Variants in ZSWIM8 observed in about 807,000 individuals in gnomAD.
The protein encoded by ZSWIM8 is zinc finger SWIM domain-containing protein 8.
In ZSWIM8, 27 loss-of-function variants were observed where a neutral mutation model predicts 173.7. The observed-to-expected ratio is 0.16, with a 90% confidence interval of 0.11 to 0.21. ZSWIM8 has a LOEUF of 0.21. ZSWIM8 is among the 10% of genes least tolerant of loss of function. ZSWIM8 has a pLI of 1.00. For synonymous variants in ZSWIM8, 958 were observed against 962.0 expected, an observed-to-expected ratio of 1.00 and a Z score of 0.08; for missense variants, 1,627 against 2,428.8, an observed-to-expected ratio of 0.67 and a Z score of 6.94.
At chr10:73,790,523 A>G (rs988429317) in intron 7 of ZSWIM8, among the ~76,000 whole-genome samples, 7 of 152,202 alleles carry the variant, frequency 4.6e-5, no homozygotes, top group Non-Finnish European at 8.8e-5. Flanking sequence ...CTTTTGATAG[A>G]TCAGGAAATG....
rs1423723317 is a variant in ZSWIM8, at chr10:73,791,786, G to A, written c.1320-73G>A. Reference sequence around the variant, plus strand: ...GTATCCTTTCCCCATGCCTCTCTTTGGGGTGTACACCTACTCCATGCCCAT... The same window carrying A: ...GTATCCTTTCCCCATGCCTCTCTTTAGGGTGTACACCTACTCCATGCCCAT... On this transcript the variant is annotated intron_variant, in intron 9 of 25. Transcript: ENST00000604729. This position sits in a 1 kb window ranked among gnomAD's most constrained non-coding sequence, Gnocchi z 6.0. 4.9e-6 allele frequency: 7 copies of A among 1,442,274 alleles called. No individual in the cohort carries two copies. The highest frequency in any genetic ancestry group is 5.5e-6 in the Non-Finnish European group (6 of 1,090,464). 89.3% of individuals were successfully genotyped at this position (1,442,274 alleles called of 1,614,324 possible).
At chr10:73,786,333 T>G (rs1388436143) in intron 1 of ZSWIM8, 5 of 413,840 alleles carry the variant, frequency 1.2e-5, no homozygotes, top group Non-Finnish European at 1.7e-5. Flanking sequence ...TGTGGGTGTG[T>G]GTGTGTGTGT....
At chr10:73,795,512 A>G (rs1007562266) in intron 14 of ZSWIM8, 27 bp from the exon 15 acceptor site, 6 of 1,612,816 alleles carry the variant, frequency 3.7e-6, no homozygotes, top group Admixed American at 1.7e-5. Flanking sequence ...ACTACTCTCA[A>G]TCCCCATAAG....
rs886823053 is a variant in ZSWIM8, at chr10:73,799,450, G to A, written c.4625G>A (p.Arg1542Gln). 5.0e-6 allele frequency: 8 copies of A among 1,601,930 alleles called. No homozygotes were observed. The highest frequency in any genetic ancestry group is 1.7e-5 in the Admixed American group (1 of 58,512). The change falls in exon 21 of 26, where the codon CGG becomes CAG. Residue 1542 changes from arginine to glutamine, a missense_variant. Around this residue, in one of 18 missense-constraint regions of ZSWIM8, gnomAD observed 275 missense variants for 290.1 expected, o/e 0.95. Transcript: ENST00000604729. ...HPAHPMPHMP[R>Q]PAVFPVPSSA... ...GCCCACCCCATGCCTCACATGCCCC[G>A]GCCTGCCGTCTTCCCTGTGCCCAGC...
At chr10:73,796,388 C>A in intron 15 of ZSWIM8, 1 of 415,552 alleles carries the variant, frequency 2.4e-6, no homozygotes, top group Non-Finnish European at 4.6e-6. Flanking sequence ...GAAAAGTGCT[C>A]TTCTGCCCAT....
rs975426219 is a variant in ZSWIM8, at chr10:73,791,278, T to C, written c.1144-46T>C. 6.3e-7 allele frequency: 1 copy of C among 1,581,252 alleles called. No homozygotes were observed. Among genetic ancestry groups the C allele is most frequent in the Non-Finnish European group, 8.6e-7 (1 of 1,157,548 alleles). ...TGGACTCTGGGAGGGCTACTCTGCC[T>C]TTCTCTGAGCTCTCAGGTGCAGCTC... On this transcript the variant is annotated intron_variant, in intron 8 of 25. Transcript: ENST00000604729. This position sits in a 1 kb window ranked among gnomAD's most constrained non-coding sequence, Gnocchi z 6.0.
chr10:73,800,241 G>T lies in ZSWIM8; in HGVS notation c.4826-55G>T, dbSNP rs769881152. ...TGGGCAGGGGAGGTGGGGAGGGAAT[G>T]TTCTTTGTCTCTCTTTGGGCTCTGA... On this transcript the variant is annotated intron_variant, in intron 22 of 25. Coordinates refer to ENST00000604729, the MANE Select transcript of ZSWIM8 (RefSeq NM_001367799.1). This position sits in a 1 kb window ranked among gnomAD's most constrained non-coding sequence, Gnocchi z 4.1. 6.8e-6 allele frequency: 11 copies of T among 1,611,296 alleles called. No individual in the cohort carries two copies. Among genetic ancestry groups the T allele is most frequent in the Admixed American group, 5.0e-5 (3 of 59,960 alleles).
chr10:73,794,499 A>C, intron 13 of ZSWIM8, 42 bp from the exon 14 acceptor site: 1 of 1,569,082 alleles, frequency 6.4e-7, no homozygotes, highest in Non-Finnish European at 8.7e-7. Flanking sequence ...TTTCCCATGC[A>C]TGATACTTCT....
chr10:73,792,317 G>C lies in ZSWIM8; in HGVS notation c.1778G>C (p.Ser593Thr). Residue 593 changes from serine (S) to threonine (T), a missense_variant, in exon 10 of 26, where the codon AGT becomes ACT. Around this residue, in one of 18 missense-constraint regions of ZSWIM8, gnomAD observed 383 missense variants for 394.8 expected, o/e 0.97. Transcript: ENST00000604729. The surrounding 1 kb of genome is among the most constrained non-coding windows in gnomAD (Gnocchi z 4.3). ...GCCAAGGCACTGGGTGGGGCTGGCA[G>C]TGGGAGCAAGGGCTCAGCAGGTGGC... ...GKAKALGGAG[S>T]GSKGSAGGGS... The C allele has an allele frequency of 6.2e-7, 1 of 1,612,784 alleles. No homozygotes were observed. Among genetic ancestry groups the C allele is most frequent in the Non-Finnish European group, 8.5e-7 (1 of 1,179,426 alleles).
At position 73,792,588 on chromosome 10, in the gene ZSWIM8, A is replaced by G. The variant is rs2083457165; in HGVS notation, c.2049A>G (p.Thr683=). The G allele has an allele frequency of 6.2e-7, 1 of 1,613,888 alleles. No individual in the cohort carries two copies. ...TCTCGGAAGGGCCTGAGCCTCCCAC[A>G]GCCTCTGTTGGCCCCCCTGGCCTAC... ...VYFSEGPEPP[T]ASVGPPGLLP... The change falls in exon 10 of 26, where the codon ACA becomes ACG. Residue 683 remains threonine, a synonymous_variant. Transcript: ENST00000604729. This position sits in a 1 kb window ranked among gnomAD's most constrained non-coding sequence, Gnocchi z 4.3.
chr10:73,790,148 T>A, intron 6 of ZSWIM8, 24 bp from the exon 7 acceptor site: 1 of 1,611,226 alleles, frequency 6.2e-7, no homozygotes, highest in Non-Finnish European at 8.5e-7. Context: ...TATCTCTAGA[T>A]GACTGACTGC....
intron 7 of ZSWIM8, among the ~76,000 whole-genome samples, chr10:73,790,672 A>G (rs900310276): frequency 1.3e-5 from 2 of 152,090 alleles, no homozygotes; most frequent in Non-Finnish European, 2.9e-5. Flanking sequence ...AACATGGCGA[A>G]TCTCCATCTC....
chr10:73,786,065 A>G lies in ZSWIM8; in HGVS notation c.187A>G (p.Ser63Gly). The G allele has an allele frequency of 1.3e-6, 2 of 1,586,458 alleles. No individual in the cohort carries two copies. Among genetic ancestry groups the G allele is most frequent in the Non-Finnish European group, 1.7e-6 (2 of 1,165,312 alleles). ...SPTGGGGGGG[S>G]GGTRMRDGLV... ...CACTGGCGGCGGTGGCGGAGGTGGCAGTGGCGGTACCAGAATGCGAGGTGA... is the reference window on the plus strand; with the variant it reads ...CACTGGCGGCGGTGGCGGAGGTGGCGGTGGCGGTACCAGAATGCGAGGTGA... The change falls in exon 1 of 26, where the codon AGT (serine) becomes GGT (glycine). Residue 63 changes from serine to glycine, a missense_variant. Transcript: ENST00000604729.
At position 73,801,772 on chromosome 10, in the gene ZSWIM8, T is replaced by G; in HGVS notation, c.*253T>G. On this transcript the variant is annotated 3_prime_UTR_variant, in exon 26 of 26. Transcript: ENST00000604729. The surrounding 1 kb of genome is among the most constrained non-coding windows in gnomAD (Gnocchi z 4.9). ...GGTATTTATTTGGCATTTATAAATA[T>G]ATAAACTCCTTTTTTACTCTAGTCG... The G allele has an allele frequency of 6.8e-7, 1 of 1,470,274 alleles. No individual in the cohort carries two copies. Among genetic ancestry groups the G allele is most frequent in the Admixed American group, 2.3e-5 (1 of 44,312 alleles). The allele number at this position is 1,470,274 out of a possible 1,614,324, so 91.1% of individuals were successfully genotyped here. A position where few individuals can be genotyped will look rare whatever the true frequency, so the allele number is the denominator to read the frequency against.
In ZSWIM8 at chr10:73,800,443, T is replaced by C; in HGVS notation, c.4973T>C (p.Leu1658Pro). The change falls in exon 23 of 26, where the codon CTG becomes CCG. Residue 1658 changes from leucine (L) to proline (P), a missense_variant. By Grantham distance (98) the Leu-to-Pro change is moderately conservative. Transcript: ENST00000604729. This position sits in a 1 kb window ranked among gnomAD's most constrained non-coding sequence, Gnocchi z 4.1. Reference protein sequence around the residue: ...THSQPVNPHSLHHLHAAYRVG... With the variant: ...THSQPVNPHSPHHLHAAYRVG... ...AGTCAGCCAGTCAATCCCCACAGCC[T>C]GCACCACCTGCATGCTGCCTACCGT... is the stretch of plus-strand genomic sequence containing the variant. The C allele has an allele frequency of 6.2e-7, 1 of 1,613,840 alleles. No individual in the cohort carries two copies. Among genetic ancestry groups the C allele is most frequent in the Non-Finnish European group, 8.5e-7 (1 of 1,179,840 alleles).
At chr10:73,786,373 CAGGG>C (rs1232731104) in intron 1 of ZSWIM8, 3 of 374,170 alleles carry the variant, frequency 8.0e-6, no homozygotes. Context: ...CGCGCTGTGA[CAGGG>C]AGATCCTGTG....
chr10:73,797,506 G>C lies in ZSWIM8; in HGVS notation c.3563G>C (p.Ser1188Thr), dbSNP rs762646876. Reference protein sequence around the residue: ...WGRGQDSDSISSSSSDSLGSS... With the variant: ...WGRGQDSDSITSSSSDSLGSS... ...CGAGGTCAGGACAGTGACAGCATTAGCAGCTCTTCTTCGGACTCCCTGGGC... is the reference window on the plus strand; with the variant it reads ...CGAGGTCAGGACAGTGACAGCATTACCAGCTCTTCTTCGGACTCCCTGGGC... Residue 1188 changes from serine (S) to threonine (T), a missense_variant, in exon 18 of 26, where the codon AGC (serine) becomes ACC (threonine). Ser to Thr is a moderately conservative substitution (Grantham distance 58, BLOSUM62 1). This residue lies in a region of ZSWIM8 where 72 missense variants were observed against 98.4 expected (regional missense o/e 0.73). Transcript: ENST00000604729. The surrounding 1 kb of genome is among the most constrained non-coding windows in gnomAD (Gnocchi z 5.6). 7 of 1,613,878 alleles carry C rather than the reference G, an allele frequency of 4.3e-6. No homozygotes were observed.
Position 73,801,566 on chromosome 10 carries a change from TG to T in ZSWIM8, c.*52del. On this transcript the variant is annotated 3_prime_UTR_variant, in exon 26 of 26. Transcript: ENST00000604729. The surrounding 1 kb of genome is among the most constrained non-coding windows in gnomAD (Gnocchi z 4.9). ...ATACAGGGACCCAGGCCTGTGGCTA[TG>T]GGGGCCCCTCACACAGGGGGAGTGA... The T allele has an allele frequency of 6.3e-7, 1 of 1,599,698 alleles. No individual in the cohort carries two copies.
intron 6 of ZSWIM8, 56 bp downstream of exon 6, chr10:73,790,093 C>G: frequency 6.2e-7 from 1 of 1,609,606 alleles, no homozygotes; most frequent in Non-Finnish European, 8.5e-7. Context: ...TAGTACAGAG[C>G]GCCATTTACT....
Sources: gnomAD v4.1 joint callset for allele counts (sites outside exome capture counted in the v4.1 genomes callset) on GRCh38, gnomAD v4.1.1 for gene constraint, gnomAD v4.1.1 regional missense constraint, Gnocchi (gnomAD v3.1) non-coding constraint, MANE v1.5 for transcripts, NCBI Gene and HGNC (gene_info 2026-07-23, HGNC 2026-07-21) for gene names.